MAPRE3: variants seen among roughly 807,000 people sequenced by gnomAD.
The protein encoded by MAPRE3 is microtubule-associated protein RP/EB family member 3.
MAPRE3 carries 2 observed loss-of-function variants against 30.5 expected under a neutral mutation model. The observed-to-expected ratio is 0.07, with a 90% CI of 0.03 to 0.21. The LOEUF is 0.21. Ranked by LOEUF, MAPRE3 falls within the 10% of genes least tolerant of loss-of-function variation. MAPRE3 has a pLI of 1.00. For missense variants in MAPRE3, 204 were observed against 351.8 expected, an observed-to-expected ratio of 0.58 and a Z score of 3.36; for synonymous variants, 110 against 127.7, an observed-to-expected ratio of 0.86 and a Z score of 0.93.
chr2:26,971,360 T>G lies in MAPRE3; in HGVS notation c.-8+558T>G, dbSNP rs570502137. ...GGAAGCAGGTCTGGACAGTTCTCAC[T>G]GGCTGCTCAGAGCTTGCAGGGCTTT... On this transcript the variant is annotated intron_variant, in intron 1 of 6. Transcript: ENST00000233121. Among the ~76,000 whole-genome samples, 334 of 152,346 alleles carry G rather than the reference T, an allele frequency of 2.2e-3. 1 individual carries two copies. The highest frequency in any genetic ancestry group is 4.8e-3 in the Admixed American group (74 of 15,304).
intron 6 of MAPRE3, 88 bp downstream of exon 6, chr2:27,026,120 A>C: frequency 6.6e-7 from 1 of 1,526,138 alleles, no homozygotes. Context: ...GACCGTGGAG[A>C]ACATTTACTG....
intron 1 of MAPRE3, among the ~76,000 whole-genome samples, chr2:26,974,478 C>T (rs1344473637): frequency 6.6e-6 from 1 of 152,142 alleles, no homozygotes; most frequent in East Asian, 1.9e-4. Flanking sequence ...GTGAGACTGC[C>T]GCATTCCAGA....
intron 1 of MAPRE3, among the ~76,000 whole-genome samples, chr2:27,001,442 A>G (rs1666592660): frequency 6.6e-6 from 1 of 152,172 alleles, no homozygotes; most frequent in Admixed American, 6.5e-5. Flanking sequence ...GGAGTTAGAG[A>G]CAGCAGTGAG....
chr2:27,018,004 C>T (rs572008507), intron 1 of MAPRE3, among the ~76,000 whole-genome samples: 45 of 152,306 alleles, frequency 3.0e-4, no homozygotes, highest in South Asian at 1.0e-3. Flanking sequence ...ACCAGGAAAG[C>T]TGCCCCCAGG....
intron 1 of MAPRE3, among the ~76,000 whole-genome samples, chr2:27,006,512 C>T (rs1396056177): frequency 6.6e-6 from 1 of 152,188 alleles, no homozygotes; most frequent in Admixed American, 6.5e-5. Context: ...CTCATTGAAG[C>T]CTTGAACTCC....
intron 1 of MAPRE3, among the ~76,000 whole-genome samples, chr2:26,977,031 A>G (rs1206488380): frequency 6.6e-6 from 1 of 152,268 alleles, no homozygotes; most frequent in African/African-American, 2.4e-5. Context: ...ATGGCATTAA[A>G]AACATTTGGA....
chr2:26,987,570 G>A (rs1025720460), intron 1 of MAPRE3, among the ~76,000 whole-genome samples: 4 of 152,076 alleles, frequency 2.6e-5, no homozygotes, highest in Non-Finnish European at 4.4e-5. Flanking sequence ...CCTGGGAGGC[G>A]GAGGTTGCAG....
intron 1 of MAPRE3, among the ~76,000 whole-genome samples, chr2:27,008,917 A>G (rs972885854): frequency 1.3e-5 from 2 of 152,212 alleles, no homozygotes; most frequent in African/African-American, 2.4e-5. Flanking sequence ...TGGAAGTTAA[A>G]GGCGCTATGC....
intron 3 of MAPRE3, 134 bp from the exon 4 acceptor site, chr2:27,023,961 AG>A (rs552134937): frequency 1.5e-6 from 1 of 653,960 alleles, no homozygotes. Context: ...GTGCCGTGGG[AG>A]GGGGGCAAGT....
rs1484839452 is a variant in MAPRE3, at chr2:26,985,309, A to G, written c.-8+14507A>G. Among the ~76,000 whole-genome samples the G allele has an allele frequency of 1.3e-5, 2 of 152,216 alleles. No individual in the cohort carries two copies. Among genetic ancestry groups the G allele is most frequent in the African/African-American group, 4.8e-5 (2 of 41,448 alleles). On this transcript the variant is annotated intron_variant, in intron 1 of 6. Transcript: ENST00000233121. The surrounding 1 kb of genome is among the most constrained non-coding windows in gnomAD (Gnocchi z 4.2). ...GGGCCATCTTCCCAGCTCCTGAGAT[A>G]ATTCACAATATTCTCATTCCAAATT...
intron 1 of MAPRE3, among the ~76,000 whole-genome samples, chr2:26,976,615 T>C (rs1462990383): frequency 6.6e-6 from 1 of 152,232 alleles, no homozygotes; most frequent in Non-Finnish European, 1.5e-5. Context: ...GTCAACTTTT[T>C]AGCATAACGT....
intron 4 of MAPRE3, among the ~76,000 whole-genome samples, chr2:27,024,778 T>G (rs1481721548): frequency 6.6e-6 from 1 of 152,058 alleles, no homozygotes; most frequent in African/African-American, 2.4e-5. Flanking sequence ...AAGATGAGTC[T>G]CTAGAAACGA....
Position 26,990,024 on chromosome 2 carries a change from T to G in MAPRE3, c.-8+19222T>G, listed in dbSNP as rs570588744. On this transcript the variant is annotated intron_variant, in intron 1 of 6. Coordinates refer to ENST00000233121, the MANE Select transcript of MAPRE3 (RefSeq NM_012326.4). ...TGAGACCCTGTCTCTACAAAAAATC[T>G]TAAAATTATCTGGGTACAGTGGTGC... 1.2e-4 allele frequency among the ~76,000 whole-genome samples: 18 copies of G among 152,248 alleles called. 1 individual carries two copies. The highest frequency in any genetic ancestry group is 4.1e-4 in the African/African-American group (17 of 41,556).
At position 27,025,644 on chromosome 2, in the gene MAPRE3, T is replaced by C; in HGVS notation, c.531T>C (p.Asn177=). ...TGCAGACCTCTGGCCGGCTGAGCAA[T>C]GTGGCCCCCCCCTGCATTCTCCGGA... is the stretch of plus-strand genomic sequence containing the variant. The part of the protein sequence containing the change: ...KNMQTSGRLS[N]VAPPCILRKN... Residue 177 remains asparagine, a synonymous_variant, in exon 5 of 7, where the codon AAT becomes AAC. Transcript: ENST00000233121. 3 of 1,609,812 alleles carry C rather than the reference T, an allele frequency of 1.9e-6. No homozygotes were observed. The highest frequency in any genetic ancestry group is 2.5e-6 in the Non-Finnish European group (3 of 1,177,822).
chr2:26,999,059 A>C (rs1666527677), intron 1 of MAPRE3, among the ~76,000 whole-genome samples: 1 of 152,124 alleles, frequency 6.6e-6, no homozygotes, highest in Admixed American at 6.5e-5. Flanking sequence ...GGAGGGATTC[A>C]GTATTAGGGA....
intron 1 of MAPRE3, among the ~76,000 whole-genome samples, chr2:27,006,205 CAAAAAAAA>C (rs534627886): frequency 6.7e-6 from 1 of 148,592 alleles, no homozygotes. Flanking sequence ...AAAACAAAAA[CAAAAAAAA>C]AACAAGTGTG....
intron 1 of MAPRE3, among the ~76,000 whole-genome samples, chr2:26,991,491 C>G (rs569121980): frequency 6.6e-6 from 1 of 152,288 alleles, no homozygotes; most frequent in African/African-American, 2.4e-5. Context: ...TGACAATTGG[C>G]TACAAATGGT....
At position 27,017,849 on chromosome 2, in the gene MAPRE3, TATATA is replaced by T. The variant is rs554987980; in HGVS notation, c.-7-4357_-7-4353del. ...ATATGTGCATATAACATATAATGTA[TATATA>T]ATATATCATACACACACACACTTGG... On this transcript the variant is annotated intron_variant, in intron 1 of 6. Coordinates refer to ENST00000233121, the MANE Select transcript of MAPRE3 (RefSeq NM_012326.4). Among the ~76,000 whole-genome samples, 424 of 152,254 alleles carry T rather than the reference TATATA, an allele frequency of 2.8e-3. 4 individuals are homozygous for T. Among genetic ancestry groups the T allele is most frequent in the Non-Finnish European group, 3.7e-3 (251 of 68,022 alleles).
chr2:27,015,307 A>G lies in MAPRE3; in HGVS notation c.-7-6905A>G, dbSNP rs1666959047. Among the ~76,000 whole-genome samples the G allele has an allele frequency of 6.6e-6, 1 of 152,188 alleles. No homozygotes were observed. Among genetic ancestry groups the G allele is most frequent in the African/African-American group, 2.4e-5 (1 of 41,436 alleles). ...TACACATGGCTCACTTAATCCTCAT[A>G]ACTGTTCTGTGAGGTGGGAGCTGTC... On this transcript the variant is annotated intron_variant, in intron 1 of 6. Transcript: ENST00000233121. The surrounding 1 kb of genome is among the most constrained non-coding windows in gnomAD (Gnocchi z 4.0).
Sources: gnomAD v4.1 joint callset for allele counts (sites outside exome capture counted in the v4.1 genomes callset) on GRCh38, gnomAD v4.1.1 for gene constraint, Gnocchi (gnomAD v3.1) non-coding constraint, MANE v1.5 for transcripts, NCBI Gene and HGNC (gene_info 2026-07-23, HGNC 2026-07-21) for gene names.